TRIM61: variants seen among roughly 807,000 people sequenced by gnomAD.
TRIM61 encodes the protein tripartite motif containing 61.
Under a neutral mutation model 14.2 loss-of-function variants are expected in TRIM61, and 1 was observed. The observed-to-expected ratio is 0.07, with a 90% confidence interval of 0.03 to 0.33. The LOEUF (loss-of-function observed/expected upper bound fraction) is 0.33, where lower values mean the gene tolerates loss of function less well. TRIM61 is among the 10% of genes least tolerant of loss of function. TRIM61 has a pLI of 0.99. For synonymous variants in TRIM61, 8 were observed against 71.6 expected (o/e 0.11, Z 4.49); for missense variants, 19 against 202.2 (o/e 0.09, Z 5.49).
intron 3 of TRIM61, chr4:164,959,239 T>A (rs1169552801): frequency 6.1e-6 from 1 of 163,804 alleles, no homozygotes; most frequent in African/African-American, 2.4e-5. Flanking sequence ...GTGCTCAATC[T>A]CCTGAAGCCC....
chr4:164,964,482 C>T (rs937049226), intron 3 of TRIM61, among the ~76,000 whole-genome samples: 3 of 151,806 alleles, frequency 2.0e-5, no homozygotes, highest in African/African-American at 7.3e-5. Flanking sequence ...AGAGAAAAAT[C>T]AACAAAACCA....
chr4:164,975,786 T>C (rs1560888801), intron 2 of TRIM61, among the ~76,000 whole-genome samples: 1 of 151,706 alleles, frequency 6.6e-6, no homozygotes, highest in East Asian at 1.9e-4. Context: ...GACCTGACTG[T>C]CCCCAGCCTG....
At chr4:164,957,257 G>C (rs368127746) in intron 3 of TRIM61, 1 of 1,614,172 alleles carries the variant, frequency 6.2e-7, no homozygotes, top group Non-Finnish European at 8.5e-7. Flanking sequence ...CCAATCCTGG[G>C]AGAAGCGAAT....
intron 3 of TRIM61, chr4:164,968,291 A>C (rs1055568487): frequency 1.1e-6 from 1 of 873,912 alleles, no homozygotes; most frequent in Non-Finnish European, 1.4e-6. Flanking sequence ...TACAGAAAAA[A>C]ATTACTGGGC....
intron 3 of TRIM61, chr4:164,968,078 G>A (rs1056014113): frequency 2.7e-6 from 2 of 753,624 alleles, no homozygotes; most frequent in African/African-American, 3.8e-5. Context: ...CTTGAACCTG[G>A]GAGACGGAGG....
chr4:164,975,946 T>C (rs2111155701), intron 2 of TRIM61, among the ~76,000 whole-genome samples: 1 of 152,294 alleles, frequency 6.6e-6, no homozygotes, highest in African/African-American at 2.4e-5. Context: ...AATTCTGAAA[T>C]AGGAGAAAAA....
At chr4:164,956,987 C>T in intron 3 of TRIM61, 2 of 1,453,674 alleles carry the variant, frequency 1.4e-6, no homozygotes, top group South Asian at 1.5e-5. Flanking sequence ...TGTGGCGCGA[C>T]GTTGGAGACC....
At position 164,968,323 on chromosome 4, in the gene TRIM61, T is replaced by C. The variant is rs949925295; in HGVS notation, c.525+1155A>G. 10 of 961,882 alleles carry C rather than the reference T, an allele frequency of 1.0e-5. No homozygotes were observed. The African/African-American group carries it at 1.6e-4, about 15-fold the overall frequency. The allele number at this position is 961,882 out of a possible 1,614,324, so 59.6% of individuals were successfully genotyped here. A position where few individuals can be genotyped will look rare whatever the true frequency, so the allele number is the denominator to read the frequency against. On this transcript the variant is annotated intron_variant, in intron 3 of 4. Transcript: ENST00000329314. ...GGGCTTTTATTGGCAATTACAAAAG[T>C]AATAGATTTTCTTACATAATACATT...
intron 3 of TRIM61, among the ~76,000 whole-genome samples, chr4:164,955,568 C>CAAAAAAAAAAAAAAAAAAA (rs10716862): frequency 1.3e-5 from 1 of 77,236 alleles, no homozygotes; most frequent in Non-Finnish European, 2.7e-5. Context: ...GATTCAGTCT[C>CAAAAAAAAAAAAAAAAAAA]AAAAAAAAAA....
intron 3 of TRIM61, among the ~76,000 whole-genome samples, chr4:164,961,025 G>GAAACAAA (rs1307899093): frequency 2.7e-5 from 4 of 150,396 alleles, no homozygotes; most frequent in Non-Finnish European, 4.4e-5. Context: ...TTTTACAAAA[G>GAAACAAA]AAACAAAAAA....
chr4:164,962,300 A>G (rs1732154215), intron 3 of TRIM61, among the ~76,000 whole-genome samples: 1 of 149,830 alleles, frequency 6.7e-6, no homozygotes, highest in Non-Finnish European at 1.5e-5. Context: ...GGCTCACTGC[A>G]AGCTCCGCCT....
intron 2 of TRIM61, among the ~76,000 whole-genome samples, chr4:164,971,404 T>A (rs1166583341): frequency 1.3e-5 from 2 of 151,924 alleles, no homozygotes; most frequent in African/African-American, 4.8e-5. Flanking sequence ...CCAGCCTGAA[T>A]AACATGGAGA....
At chr4:164,959,925 G>C (rs1359254249) in intron 3 of TRIM61, among the ~76,000 whole-genome samples, 2 of 152,192 alleles carry the variant, frequency 1.3e-5, no homozygotes, top group South Asian at 4.1e-4. Flanking sequence ...CAGTACTTCA[G>C]ATGTGACCTT....
chr4:164,960,078 C>T (rs1225226892), intron 3 of TRIM61, among the ~76,000 whole-genome samples: 1 of 152,072 alleles, frequency 6.6e-6, no homozygotes, highest in Non-Finnish European at 1.5e-5. Context: ...TGAGGAAACA[C>T]GGGGGAATGC....
At position 164,976,710 on chromosome 4, in the gene TRIM61, G is replaced by A. The variant is rs1732491546; in HGVS notation, c.-360C>T. ...TACCTTGCATTATAATCACCTGGAGGTCTTGGTAAAAGATTGCCTGGGCCA... is the reference window on the plus strand; with the variant it reads ...TACCTTGCATTATAATCACCTGGAGATCTTGGTAAAAGATTGCCTGGGCCA... On this transcript the variant is annotated 5_prime_UTR_variant, in exon 2 of 5. Coordinates refer to ENST00000329314, the MANE Select transcript of TRIM61 (RefSeq NM_001012414.3). The A allele has an allele frequency of 6.6e-6, 1 of 152,184 alleles. No individual in the cohort carries two copies. The highest frequency in any genetic ancestry group is 6.5e-5 in the Admixed American group (1 of 15,270). 9.4% of individuals were successfully genotyped at this position (152,184 alleles called of 1,614,324 possible).
intron 3 of TRIM61, chr4:164,958,537 T>G (rs1002207106): frequency 2.0e-4 from 33 of 167,022 alleles, no homozygotes; most frequent in African/African-American, 6.8e-4. Context: ...TTCTGAATTG[T>G]CTGCCACTTA....
At chr4:164,976,205 T>A (rs1003977485) in intron 2 of TRIM61, among the ~76,000 whole-genome samples, 5 of 152,208 alleles carry the variant, frequency 3.3e-5, no homozygotes, top group Non-Finnish European at 7.3e-5. Flanking sequence ...TAATAATCAA[T>A]AAAAACTGAG....
At chr4:164,961,796 T>TA (rs1352151410) in intron 3 of TRIM61, among the ~76,000 whole-genome samples, 1 of 152,062 alleles carries the variant, frequency 6.6e-6, no homozygotes, top group African/African-American at 2.4e-5. Flanking sequence ...GCAGTCCAAG[T>TA]AAAAAAATAC....
At chr4:164,956,908 C>T in intron 3 of TRIM61, 2 of 1,049,956 alleles carry the variant, frequency 1.9e-6, no homozygotes, top group Non-Finnish European at 2.7e-6. Context: ...GAAGTCGGAG[C>T]GGCAGAGCAG....
Sources: gnomAD v4.1 joint callset for allele counts (sites outside exome capture counted in the v4.1 genomes callset) on GRCh38, gnomAD v4.1.1 for gene constraint, MANE v1.5 for transcripts, NCBI Gene and HGNC (gene_info 2026-07-23, HGNC 2026-07-21) for gene names.